The following EGFLAM variants were observed in gnomAD, a reference collection of about 807,000 sequenced individuals.
EGFLAM encodes the protein pikachurin.
EGFLAM carries 79 observed loss-of-function variants against 113.1 expected under a neutral mutation model. The observed-to-expected ratio is 0.70, with a 90% CI of 0.58 to 0.84. The LOEUF is 0.84. Among genes scored for constraint, EGFLAM ranks in the 40% least tolerant of loss-of-function variants. EGFLAM has a pLI of 0.00. For missense variants in EGFLAM, 1,265 were observed against 1,291.6 expected, an observed-to-expected ratio of 0.98 and a Z score of 0.32; for synonymous variants, 504 against 487.6, an observed-to-expected ratio of 1.03 and a Z score of -0.44.
rs569597217 is a variant in EGFLAM at position 38,340,251 on chromosome 5, A to G, written c.291+1470A>G. ...GTTTCTTCCATTTACAGGTTGGGTAATGTTGGTCAGAGTCACTTAACCTGT... is the reference window on the plus strand; with the variant it reads ...GTTTCTTCCATTTACAGGTTGGGTAGTGTTGGTCAGAGTCACTTAACCTGT... On this transcript the variant is annotated intron_variant, in intron 3 of 21. Coordinates refer to ENST00000322350, the MANE Select transcript of EGFLAM (RefSeq NM_152403.4). Among the ~76,000 whole-genome samples the G allele has an allele frequency of 4.1e-4, 62 of 152,334 alleles. 1 individual carries two copies. The highest frequency in any genetic ancestry group is 8.3e-4 in the South Asian group (4 of 4,828).
chr5:38,336,409 T>C (rs980845523), intron 1 of EGFLAM, among the ~76,000 whole-genome samples: 1 of 152,076 alleles, frequency 6.6e-6, no homozygotes, highest in African/African-American at 2.4e-5. Context: ...CCGTCTCTAC[T>C]AGAAAATACA....
chr5:38,279,551 G>T (rs1396377769), intron 1 of EGFLAM, among the ~76,000 whole-genome samples: 1 of 152,172 alleles, frequency 6.6e-6, no homozygotes, highest in Non-Finnish European at 1.5e-5. Flanking sequence ...AAAGAAGGAA[G>T]TCATATCATT....
At chr5:38,332,868 G>A (rs1042215691) in intron 1 of EGFLAM, among the ~76,000 whole-genome samples, 1 of 152,206 alleles carries the variant, frequency 6.6e-6, no homozygotes, top group African/African-American at 2.4e-5. Context: ...AACCTTCAGT[G>A]TGCGCGTCAT....
chr5:38,404,144 C>T (rs1047182409), intron 6 of EGFLAM, among the ~76,000 whole-genome samples: 1 of 152,170 alleles, frequency 6.6e-6, no homozygotes, highest in Non-Finnish European at 1.5e-5. Flanking sequence ...CGCCCCCTGA[C>T]AAAAATGACT....
intron 6 of EGFLAM, among the ~76,000 whole-genome samples, chr5:38,391,318 T>C (rs1461764782): frequency 6.6e-6 from 1 of 152,164 alleles, no homozygotes; most frequent in Non-Finnish European, 1.5e-5. Flanking sequence ...TTCTGAGTTC[T>C]ATATGCTGTC....
chr5:38,384,798 C>T (rs957389184), intron 6 of EGFLAM, among the ~76,000 whole-genome samples: 2 of 151,998 alleles, frequency 1.3e-5, no homozygotes, highest in Admixed American at 6.6e-5. Context: ...ATTGTGCCCC[C>T]AAATGCTCAA....
intron 1 of EGFLAM, among the ~76,000 whole-genome samples, chr5:38,332,231 G>A (rs1739061597): frequency 6.6e-6 from 1 of 152,030 alleles, no homozygotes; most frequent in African/African-American, 2.4e-5. Flanking sequence ...TATCTTTTTT[G>A]GTGAGATGTC....
chr5:38,420,229 A>G (rs1414020673), intron 12 of EGFLAM, among the ~76,000 whole-genome samples: 1 of 152,204 alleles, frequency 6.6e-6, no homozygotes, highest in Non-Finnish European at 1.5e-5. Flanking sequence ...GTTCACTCCT[A>G]TAGGTGATGC....
At chr5:38,459,356 A>C (rs1743198647) in intron 20 of EGFLAM, among the ~76,000 whole-genome samples, 2 of 150,964 alleles carry the variant, frequency 1.3e-5, no homozygotes, top group Non-Finnish European at 3.0e-5. Flanking sequence ...ACTGTATTTC[A>C]CTCAGCCCCA....
intron 3 of EGFLAM, among the ~76,000 whole-genome samples, chr5:38,347,822 T>C (rs2111974890): frequency 6.6e-6 from 1 of 151,968 alleles, no homozygotes; most frequent in East Asian, 1.9e-4. Flanking sequence ...CACTGTGGAG[T>C]CCAGACTGGA....
rs924176646 is a variant in EGFLAM at position 38,454,668 on chromosome 5, A to G, written c.2687+3210A>G. 6.6e-5 allele frequency among the ~76,000 whole-genome samples: 10 copies of G among 152,262 alleles called. No individual in the cohort carries two copies. The East Asian group carries it at 1.7e-3, about 27-fold the overall frequency. On this transcript the variant is annotated intron_variant, in intron 19 of 21. Coordinates refer to ENST00000322350, the MANE Select transcript of EGFLAM (RefSeq NM_152403.4). ...AGGGGCACAGATCTGTGCAGTCTGGAGAGTGAATTGTTCTACAGAGCAGAC... is the reference window on the plus strand; with the variant it reads ...AGGGGCACAGATCTGTGCAGTCTGGGGAGTGAATTGTTCTACAGAGCAGAC...
chr5:38,461,525 T>A (rs987682506), intron 20 of EGFLAM, among the ~76,000 whole-genome samples: 1 of 152,012 alleles, frequency 6.6e-6, no homozygotes, highest in African/African-American at 2.4e-5. Context: ...TTTTTTTTTT[T>A]AAAGGCAGGG....
intron 3 of EGFLAM, among the ~76,000 whole-genome samples, chr5:38,344,460 G>A (rs1295268172): frequency 2.7e-5 from 4 of 148,468 alleles, no homozygotes; most frequent in Non-Finnish European, 5.9e-5. Flanking sequence ...TCCAGCCTGG[G>A]CAACAAGAGT....
intron 12 of EGFLAM, among the ~76,000 whole-genome samples, chr5:38,421,736 G>A (rs1051947401): frequency 6.6e-6 from 1 of 152,196 alleles, no homozygotes. Context: ...AGGTTGTAGG[G>A]TCTGGGGGCC....
chr5:38,426,078 G>A (rs142375173), intron 13 of EGFLAM, among the ~76,000 whole-genome samples: 101 of 151,432 alleles, frequency 6.7e-4, no homozygotes, highest in Middle Eastern at 3.4e-3. Flanking sequence ...ACTCCAATCT[G>A]GGTGACAGAG....
At chr5:38,412,797 G>A (rs1180003750) in intron 11 of EGFLAM, 149 bp downstream of exon 11, 1 of 1,267,450 alleles carries the variant, frequency 7.9e-7, no homozygotes, top group Admixed American at 2.8e-5. Flanking sequence ...GTGAACCCAT[G>A]CAACAGACCT....
Position 38,464,004 on chromosome 5 carries a change from C to A in EGFLAM, c.*18C>A. 6.2e-7 allele frequency: 1 copy of A among 1,614,118 alleles called. No individual in the cohort carries two copies. The highest frequency in any genetic ancestry group is 8.5e-7 in the Non-Finnish European group (1 of 1,180,010). ...CCAAGTAACACCAGCTGGCCTTGTC[C>A]AAGGGACAGAGCCTTCTATTCTGAG... is the stretch of plus-strand genomic sequence containing the variant. On this transcript the variant is annotated 3_prime_UTR_variant, in exon 22 of 22. Transcript: ENST00000322350.
rs73075442 is a variant in EGFLAM at position 38,379,391 on chromosome 5, A to G, written c.712+8929A>G. Among the ~76,000 whole-genome samples the G allele has an allele frequency of 9.1e-3, 1,379 of 152,098 alleles. 29 individuals carry two copies. Among genetic ancestry groups the G allele is most frequent in the African/African-American group, 0.032 (1,339 of 41,462 alleles). On this transcript the variant is annotated intron_variant, in intron 6 of 21. Coordinates refer to ENST00000322350, the MANE Select transcript of EGFLAM (RefSeq NM_152403.4). Reference sequence around the variant, plus strand: ...GGAGGAAGGACGCAGAGAACACAGGAGAGAGTAAATGATGCATGGAACCTC... The same window carrying G: ...GGAGGAAGGACGCAGAGAACACAGGGGAGAGTAAATGATGCATGGAACCTC...
chr5:38,344,228 G>A (rs1331219864), intron 3 of EGFLAM, among the ~76,000 whole-genome samples: 1 of 152,246 alleles, frequency 6.6e-6, no homozygotes, highest in Non-Finnish European at 1.5e-5. Context: ...GCCCACGCCT[G>A]TAATCCCAGC....
Sources: allele counts gnomAD v4.1 joint callset (sites outside exome capture counted in the v4.1 genomes callset), GRCh38; gene constraint gnomAD v4.1.1; transcripts MANE v1.5; gene names NCBI Gene and HGNC (gene_info 2026-07-23, HGNC 2026-07-21).